PAPPA: variants seen among roughly 807,000 people sequenced by gnomAD.
The protein encoded by PAPPA is pappalysin-1.
PAPPA carries 60 observed loss-of-function variants against 164.0 expected under a neutral mutation model. That is an observed-to-expected ratio of 0.37 (90% confidence interval 0.30 to 0.45). PAPPA has a LOEUF of 0.45. Ranked by LOEUF, PAPPA falls within the 20% of genes least tolerant of loss-of-function variation. PAPPA has a pLI of 1.00. For missense variants in PAPPA, 1,782 were observed against 2,087.3 expected (o/e 0.85, Z 2.85); for synonymous variants, 875 against 814.1 (o/e 1.07, Z -1.27).
Position 116,266,193 on chromosome 9 carries a change from C to T in PAPPA, c.2861+208C>T, listed in dbSNP as rs374442794. Among the ~76,000 whole-genome samples the T allele has an allele frequency of 9.7e-4, 148 of 152,256 alleles. 1 individual carries two copies. Among genetic ancestry groups the T allele is most frequent in the African/African-American group, 3.4e-3 (141 of 41,552 alleles). ...ACTCTTTTTGAACACGTACATTTTG[C>T]GACTATGTAATACAATATATGATTT... On this transcript the variant is annotated intron_variant, in intron 8 of 21. Coordinates refer to ENST00000328252, the MANE Select transcript of PAPPA (RefSeq NM_002581.5).
intron 9 of PAPPA, among the ~76,000 whole-genome samples, chr9:116,278,486 A>T (rs1845227950): frequency 6.6e-6 from 1 of 152,236 alleles, no homozygotes; most frequent in African/African-American, 2.4e-5. Flanking sequence ...AAGTGAATGC[A>T]CATGTCCTTG....
At chr9:116,367,527 G>A in intron 18 of PAPPA, 118 bp from the exon 19 acceptor site, 1 of 705,222 alleles carries the variant, frequency 1.4e-6, no homozygotes. Context: ...CTGCCTTCAG[G>A]TTGGGTAGCT....
intron 2 of PAPPA, among the ~76,000 whole-genome samples, chr9:116,204,381 T>A (rs1375996289): frequency 1.3e-5 from 2 of 152,160 alleles, no homozygotes. Context: ...GGGATTTTGA[T>A]TGATTTTTCT....
intron 9 of PAPPA, among the ~76,000 whole-genome samples, chr9:116,291,759 C>G (rs1009500065): frequency 6.6e-6 from 1 of 151,760 alleles, no homozygotes; most frequent in African/African-American, 2.4e-5. Flanking sequence ...TTGAAACATG[C>G]TTCTATTAAA....
chr9:116,363,393 T>G (rs1846455601), intron 18 of PAPPA, among the ~76,000 whole-genome samples: 1 of 152,120 alleles, frequency 6.6e-6, no homozygotes, highest in Admixed American at 6.5e-5. Context: ...GAGCATAAAC[T>G]GCATTTTCAA....
chr9:116,163,118 C>A (rs1480962426), intron 1 of PAPPA, among the ~76,000 whole-genome samples: 1 of 152,154 alleles, frequency 6.6e-6, no homozygotes, highest in East Asian at 1.9e-4. Flanking sequence ...ACAGACCAGT[C>A]AACAAAAGAG....
intron 5 of PAPPA, among the ~76,000 whole-genome samples, chr9:116,221,474 C>G (rs1432049391): frequency 1.3e-5 from 2 of 152,104 alleles, no homozygotes; most frequent in Admixed American, 6.5e-5. Flanking sequence ...ATACTAAATG[C>G]TTTACATACA....
At chr9:116,219,910 C>T in intron 4 of PAPPA, 27 bp from the exon 5 acceptor site, 1 of 1,580,960 alleles carries the variant, frequency 6.3e-7, no homozygotes, top group Middle Eastern at 1.7e-4. Flanking sequence ...CGGCTTGGTG[C>T]TTATCTCTCC....
intron 7 of PAPPA, among the ~76,000 whole-genome samples, chr9:116,247,366 G>A (rs77047770): frequency 0.013 from 1,998 of 152,252 alleles, 45 homozygotes; most frequent in African/African-American, 0.046. Flanking sequence ...TTGCTGAAAT[G>A]CTTTATGTAG....
intron 19 of PAPPA, among the ~76,000 whole-genome samples, chr9:116,377,204 A>ACATACACACACACACATGCAAACACACC (rs1846666029): frequency 1.3e-5 from 2 of 149,480 alleles, no homozygotes; most frequent in Non-Finnish European, 2.9e-5. Context: ...GCAAACACAC[A>ACATACACACACACACATGCAAACACACC]CATGCGCACA....
At chr9:116,241,816 G>A (rs1426061959) in intron 7 of PAPPA, among the ~76,000 whole-genome samples, 2 of 152,132 alleles carry the variant, frequency 1.3e-5, no homozygotes, top group Non-Finnish European at 2.9e-5. Flanking sequence ...AGGCACAGGT[G>A]GCTCTTACAT....
At chr9:116,184,192 T>C (rs896284307) in intron 1 of PAPPA, among the ~76,000 whole-genome samples, 8 of 152,178 alleles carry the variant, frequency 5.3e-5, no homozygotes, top group African/African-American at 1.9e-4. Context: ...GAACCTCTGC[T>C]CTCAACTGGT....
chr9:116,162,327 A>G (rs567984450), intron 1 of PAPPA, among the ~76,000 whole-genome samples: 1 of 152,324 alleles, frequency 6.6e-6, no homozygotes, highest in African/African-American at 2.4e-5. Context: ...GACGATACAC[A>G]CACACATACT....
intron 1 of PAPPA, among the ~76,000 whole-genome samples, chr9:116,184,224 T>C (rs1843942606): frequency 6.6e-6 from 1 of 152,170 alleles, no homozygotes; most frequent in Non-Finnish European, 1.5e-5. Flanking sequence ...CAGCAACAGA[T>C]AGATCTGGCG....
chr9:116,224,222 T>C (rs1173004886), intron 5 of PAPPA, among the ~76,000 whole-genome samples: 1 of 152,228 alleles, frequency 6.6e-6, no homozygotes, highest in Non-Finnish European at 1.5e-5. Flanking sequence ...ACTGAATAAA[T>C]AATTCAAGGC....
At chr9:116,395,083 A>G (rs1184373423) in intron 21 of PAPPA, among the ~76,000 whole-genome samples, 2 of 151,918 alleles carry the variant, frequency 1.3e-5, no homozygotes, top group Non-Finnish European at 2.9e-5. Context: ...GAGTTATTTC[A>G]TGTATTCCTT....
intron 10 of PAPPA, among the ~76,000 whole-genome samples, chr9:116,328,494 A>G (rs1272388828): frequency 6.6e-6 from 1 of 152,206 alleles, no homozygotes; most frequent in Non-Finnish European, 1.5e-5. Flanking sequence ...GATTCATGGC[A>G]TGTTTCTTCT....
chr9:116,237,870 C>T (rs763932748), intron 7 of PAPPA, among the ~76,000 whole-genome samples: 1 of 152,110 alleles, frequency 6.6e-6, no homozygotes, highest in Non-Finnish European at 1.5e-5. Flanking sequence ...CAGGCACGCA[C>T]CACCACGCTG....
intron 2 of PAPPA, among the ~76,000 whole-genome samples, chr9:116,206,059 A>G (rs1844231646): frequency 6.6e-6 from 1 of 152,176 alleles, no homozygotes; most frequent in Non-Finnish European, 1.5e-5. Context: ...TTCCCTGACG[A>G]CAGAGCAGAC....
Sources: allele counts gnomAD v4.1 joint callset (sites outside exome capture counted in the v4.1 genomes callset), GRCh38; gene constraint gnomAD v4.1.1; transcripts MANE v1.5; gene names NCBI Gene and HGNC (gene_info 2026-07-23, HGNC 2026-07-21).